The following ADCK1 variants were observed in gnomAD, a reference collection of about 807,000 sequenced individuals.
The protein encoded by ADCK1 is aarF domain containing kinase 1, also known as aarF domain-containing protein kinase 1.
Under a neutral mutation model 52.3 loss-of-function variants are expected in ADCK1, and 41 were observed. The ratio of observed to expected loss-of-function variants is 0.78; its 90% CI spans 0.61 to 1.02. The LOEUF is 1.02. Ranked by LOEUF, ADCK1 falls within the 50% of genes least tolerant of loss-of-function variation. The pLI is 0.00. For missense variants in ADCK1, 658 were observed against 679.5 expected, an observed-to-expected ratio of 0.97 and a Z score of 0.35; for synonymous variants, 250 against 274.6, an observed-to-expected ratio of 0.91 and a Z score of 0.89.
chr14:77,838,311 G>A (rs1459049667), intron 3 of ADCK1, among the ~76,000 whole-genome samples: 14 of 152,186 alleles, frequency 9.2e-5, no homozygotes. Flanking sequence ...CATATGTGAA[G>A]CTAATTTAAG....
chr14:77,838,032 C>T (rs779844662), intron 3 of ADCK1, among the ~76,000 whole-genome samples: 25 of 152,148 alleles, frequency 1.6e-4, no homozygotes, highest in African/African-American at 3.4e-4. Flanking sequence ...TAAGGGTGAT[C>T]GAGATGCTTG....
intron 4 of ADCK1, among the ~76,000 whole-genome samples, chr14:77,885,421 G>A (rs952893224): frequency 6.6e-6 from 1 of 152,234 alleles, no homozygotes; most frequent in Non-Finnish European, 1.5e-5. Context: ...ACAGAGAAGC[G>A]TAGGCCTTTC....
chr14:77,847,236 A>G (rs2082190158), intron 3 of ADCK1, among the ~76,000 whole-genome samples: 2 of 152,118 alleles, frequency 1.3e-5, no homozygotes, highest in African/African-American at 4.8e-5. Flanking sequence ...ATGAAGCCGC[A>G]GGACAGCTGG....
At chr14:77,806,672 C>T (rs376181615) in intron 1 of ADCK1, among the ~76,000 whole-genome samples, 34 of 152,140 alleles carry the variant, frequency 2.2e-4, no homozygotes, top group East Asian at 1.9e-4. Context: ...AACTGGCAGA[C>T]GCCCTGTGGC....
chr14:77,852,227 G>GA (rs1307956861), intron 3 of ADCK1, among the ~76,000 whole-genome samples: 1 of 152,036 alleles, frequency 6.6e-6, no homozygotes, highest in African/African-American at 2.4e-5. Flanking sequence ...TCAAACTCCT[G>GA]ACCTCGTGAT....
At chr14:77,926,482 T>A (rs1215228088) in intron 9 of ADCK1, among the ~76,000 whole-genome samples, 1 of 152,156 alleles carries the variant, frequency 6.6e-6, no homozygotes, top group African/African-American at 2.4e-5. Flanking sequence ...ACTTTTTTGT[T>A]TGTTTGTTTG....
intron 4 of ADCK1, among the ~76,000 whole-genome samples, chr14:77,865,926 A>G (rs560918900): frequency 1.3e-5 from 2 of 152,300 alleles, no homozygotes; most frequent in East Asian, 3.9e-4. Context: ...TGTGCTTTTT[A>G]TGAGCAGGTA....
intron 7 of ADCK1, chr14:77,914,608 T>C: frequency 1.0e-6 from 1 of 984,916 alleles, no homozygotes; most frequent in East Asian, 1.1e-4. Context: ...AGCAGAGGGT[T>C]TCAAAGTTAG....
chr14:77,828,197 C>A, intron 3 of ADCK1, among the ~76,000 whole-genome samples: 1 of 152,130 alleles, frequency 6.6e-6, no homozygotes, highest in South Asian at 2.1e-4. Context: ...CTCCTTACCT[C>A]AGGTGATTCA....
intron 4 of ADCK1, among the ~76,000 whole-genome samples, chr14:77,882,926 C>T (rs999450328): frequency 6.6e-6 from 1 of 151,716 alleles, no homozygotes; most frequent in Admixed American, 6.6e-5. Context: ...TTGTCAAGCC[C>T]CTAGGGGATG....
In ADCK1 at chr14:77,800,112, A is replaced by G. The variant is rs1355581352; in HGVS notation, c.-70A>G. On this transcript the variant is annotated 5_prime_UTR_variant, in exon 1 of 11. Transcript: ENST00000238561. ...GGCTGTCCCCGCACGGTTCCCAGCT[A>G]ATTCCCCGCTACCGGGTTGCGGCCG... 1 of 152,168 alleles carries G rather than the reference A, an allele frequency of 6.6e-6. No individual in the cohort carries two copies. The highest frequency in any genetic ancestry group is 1.5e-5 in the Non-Finnish European group (1 of 68,024). 9.4% of individuals were successfully genotyped at this position (152,168 alleles called of 1,614,324 possible). A position where few individuals can be genotyped will look rare whatever the true frequency, so the allele number is the denominator to read the frequency against.
At chr14:77,908,582 G>A (rs2083720490) in intron 7 of ADCK1, among the ~76,000 whole-genome samples, 1 of 152,208 alleles carries the variant, frequency 6.6e-6, no homozygotes, top group Non-Finnish European at 1.5e-5. Flanking sequence ...CTGGCGTGCA[G>A]TGGCACAATC....
intron 1 of ADCK1, among the ~76,000 whole-genome samples, chr14:77,814,437 C>CA (rs1194840882): frequency 8.2e-6 from 1 of 122,566 alleles, no homozygotes; most frequent in African/African-American, 3.1e-5. Context: ...AAAAAAAAAA[C>CA]AAAAAACAAA....
At chr14:77,853,007 C>T (rs1240992937) in intron 3 of ADCK1, among the ~76,000 whole-genome samples, 14 of 144,124 alleles carry the variant, frequency 9.7e-5, no homozygotes, top group Middle Eastern at 3.3e-3. Flanking sequence ...CCCCCTTGGC[C>T]TCCCAAAGTG....
chr14:77,840,883 G>A (rs2082051982), intron 3 of ADCK1, among the ~76,000 whole-genome samples: 1 of 143,520 alleles, frequency 7.0e-6, no homozygotes, highest in African/African-American at 2.6e-5. Context: ...AGGGAGAGAA[G>A]GGAAGGGGAG....
At chr14:77,858,731 C>T (rs1385221058) in intron 3 of ADCK1, among the ~76,000 whole-genome samples, 1 of 152,084 alleles carries the variant, frequency 6.6e-6, no homozygotes, top group African/African-American at 2.4e-5. Context: ...AACTCTGTGT[C>T]CCTTGAATGA....
Position 77,859,140 on chromosome 14 carries a change from A to G in ADCK1, c.284A>G (p.Lys95Arg). The G allele has an allele frequency of 1.9e-6, 3 of 1,613,714 alleles. No individual in the cohort carries two copies. Among genetic ancestry groups the G allele is most frequent in the Non-Finnish European group, 2.5e-6 (3 of 1,179,970 alleles). ...LCCANRGTFI[K>R]VGQHLGALDY... ...TGTGCCAACCGGGGCACCTTCATCA[A>G]GGTGGGCCAGCACCTGGGGGCTCTG... The change falls in exon 4 of 11, where the codon AAG (lysine) becomes AGG (arginine). Residue 95 changes from lysine to arginine, a missense_variant. Physicochemically the swap from Lys to Arg is conservative, Grantham distance 26 (BLOSUM62 2). Coordinates refer to ENST00000238561, the MANE Select transcript of ADCK1 (RefSeq NM_020421.4).
At chr14:77,815,199 CTTTTT>C (rs56211176) in intron 1 of ADCK1, among the ~76,000 whole-genome samples, 1 of 129,442 alleles carries the variant, frequency 7.7e-6, no homozygotes, top group African/African-American at 2.9e-5. Flanking sequence ...TTTGTTTTGT[CTTTTT>C]TTTTTTTTTT....
At chr14:77,914,009 G>A (rs2083858681) in intron 7 of ADCK1, among the ~76,000 whole-genome samples, 1 of 152,148 alleles carries the variant, frequency 6.6e-6, no homozygotes. Flanking sequence ...GGTCGGGTGG[G>A]GATCTAGGGG....
Sources: allele counts gnomAD v4.1 joint callset (sites outside exome capture counted in the v4.1 genomes callset), GRCh38; gene constraint gnomAD v4.1.1; transcripts MANE v1.5; gene names NCBI Gene and HGNC (gene_info 2026-07-23, HGNC 2026-07-21).